Variants in SDK1 observed in about 807,000 individuals in gnomAD.
SDK1 encodes the protein protein sidekick-1.
A neutral mutation model predicts 245.5 loss-of-function variants in SDK1; 157 were observed. That is an observed-to-expected ratio of 0.64 (90% CI 0.56 to 0.73). SDK1 has a LOEUF of 0.73. SDK1 is among the 30% of genes least tolerant of loss of function. SDK1 has a pLI of 0.00. For synonymous variants in SDK1, 1,647 were observed against 1,278.5 expected (o/e 1.29, Z -6.15); for missense variants, 3,583 against 3,002.3 (o/e 1.19, Z -4.52).
chr7:3,539,842 A>C (rs546262905), intron 1 of SDK1, among the ~76,000 whole-genome samples: 1 of 152,314 alleles, frequency 6.6e-6, no homozygotes, highest in East Asian at 1.9e-4. Context: ...TAGGATGATA[A>C]ATGACAGCCG....
At chr7:4,242,355 G>C (rs913772889) in intron 43 of SDK1, among the ~76,000 whole-genome samples, 1 of 152,116 alleles carries the variant, frequency 6.6e-6, no homozygotes, top group South Asian at 2.1e-4. Context: ...TTCCTGTGCC[G>C]ATACACATTG....
At chr7:3,695,540 A>G (rs1285963547) in intron 4 of SDK1, among the ~76,000 whole-genome samples, 5 of 152,234 alleles carry the variant, frequency 3.3e-5, no homozygotes, top group African/African-American at 1.2e-4. Flanking sequence ...TCATTTATCA[A>G]AAACTTCGTT....
At chr7:3,949,776 C>T (rs1036264524) in intron 5 of SDK1, among the ~76,000 whole-genome samples, 12 of 151,942 alleles carry the variant, frequency 7.9e-5, no homozygotes, top group Non-Finnish European at 1.6e-4. Context: ...ACCAGAAGTA[C>T]GAGATAAATT....
chr7:3,721,910 A>G (rs1778821882), intron 4 of SDK1, among the ~76,000 whole-genome samples: 1 of 152,156 alleles, frequency 6.6e-6, no homozygotes, highest in East Asian at 1.9e-4. Context: ...TCTCTTCATT[A>G]TTAACAGTAA....
intron 1 of SDK1, among the ~76,000 whole-genome samples, chr7:3,412,058 T>C (rs1779225015): frequency 6.6e-6 from 1 of 152,028 alleles, no homozygotes; most frequent in Non-Finnish European, 1.5e-5. Context: ...CCAGCAAAGA[T>C]GGAGAGAAAG....
intron 5 of SDK1, among the ~76,000 whole-genome samples, chr7:3,944,231 C>T (rs1583600822): frequency 6.6e-6 from 1 of 152,284 alleles, no homozygotes; most frequent in East Asian, 1.9e-4. Context: ...GACTTAGGGC[C>T]TCAATTTTCT....
chr7:3,731,221 C>T (rs1251361690), intron 4 of SDK1, among the ~76,000 whole-genome samples: 1 of 152,192 alleles, frequency 6.6e-6, no homozygotes, highest in East Asian at 1.9e-4. Context: ...CTTCCTTCCA[C>T]TTCTTTACAT....
intron 3 of SDK1, 75 bp from the exon 4 acceptor site, chr7:3,641,883 C>G: frequency 1.6e-6 from 2 of 1,215,164 alleles, no homozygotes; most frequent in Admixed American, 2.0e-5. Flanking sequence ...TAACACTTAC[C>G]TGTTTCCATC....
rs190057128 is a variant in SDK1 at position 3,515,897 on chromosome 7, T to A, written c.299-103183T>A. Among the ~76,000 whole-genome samples the A allele has an allele frequency of 4.5e-3, 685 of 152,286 alleles. 5 individuals carry two copies. Among genetic ancestry groups the A allele is most frequent in the Middle Eastern group, 0.01 (3 of 294 alleles). Reference sequence around the variant, plus strand: ...CACTAATGAAAAATATTCTTCACTATGTGGAAGAGATTTAGCTGAAATTTT... The same window carrying A: ...CACTAATGAAAAATATTCTTCACTAAGTGGAAGAGATTTAGCTGAAATTTT... On this transcript the variant is annotated intron_variant, in intron 1 of 44. Coordinates refer to ENST00000404826, the MANE Select transcript of SDK1 (RefSeq NM_152744.4).
Position 4,201,762 on chromosome 7 carries a change from G to A in SDK1, c.5099-4117G>A, listed in dbSNP as rs577844110. 2.2e-4 allele frequency among the ~76,000 whole-genome samples: 34 copies of A among 151,810 alleles called. No homozygotes were observed. In the South Asian group the frequency reaches 4.8e-3, roughly 21 times the overall value. On this transcript the variant is annotated intron_variant, in intron 35 of 44. Coordinates refer to ENST00000404826, the MANE Select transcript of SDK1 (RefSeq NM_152744.4). ...ACAACAGATGACTGGCATGGCACAGGGTGGCTTTGGCAACAACAGATTACT... is the reference window on the plus strand; with the variant it reads ...ACAACAGATGACTGGCATGGCACAGAGTGGCTTTGGCAACAACAGATTACT...
intron 5 of SDK1, among the ~76,000 whole-genome samples, chr7:3,844,567 T>C (rs749407025): frequency 1.5e-4 from 23 of 152,214 alleles, no homozygotes; most frequent in Non-Finnish European, 2.5e-4. Context: ...ATTTAATGTC[T>C]TTTCCAACAG....
intron 1 of SDK1, among the ~76,000 whole-genome samples, chr7:3,603,834 C>G (rs941808098): frequency 6.6e-6 from 1 of 152,094 alleles, no homozygotes; most frequent in Non-Finnish European, 1.5e-5. Flanking sequence ...ATAGATAGCT[C>G]TTATTATTTT....
At chr7:3,710,967 T>A (rs1785032736) in intron 4 of SDK1, among the ~76,000 whole-genome samples, 1 of 152,264 alleles carries the variant, frequency 6.6e-6, no homozygotes, top group African/African-American at 2.4e-5. Flanking sequence ...AAAGCTTTTC[T>A]TTACATGTAT....
chr7:3,874,133 T>C (rs943801117), intron 5 of SDK1, among the ~76,000 whole-genome samples: 1 of 152,184 alleles, frequency 6.6e-6, no homozygotes, highest in African/African-American at 2.4e-5. Flanking sequence ...ATGAAGGTTT[T>C]TGTTCGTTTG....
chr7:3,581,042 T>C (rs1024749099), intron 1 of SDK1, among the ~76,000 whole-genome samples: 2 of 127,644 alleles, frequency 1.6e-5, no homozygotes. Context: ...ATTCTGGACA[T>C]AAGAACTGGC....
chr7:3,854,436 C>G (rs1408152167), intron 5 of SDK1, among the ~76,000 whole-genome samples: 1 of 152,152 alleles, frequency 6.6e-6, no homozygotes, highest in African/African-American at 2.4e-5. Context: ...ATGATTGCCC[C>G]CTGTCTCATT....
chr7:3,758,681 C>T (rs1294439497), intron 4 of SDK1, among the ~76,000 whole-genome samples: 2 of 152,122 alleles, frequency 1.3e-5, no homozygotes, highest in Non-Finnish European at 2.9e-5. Context: ...CTGTGTGTCA[C>T]CTGCACCCGC....
rs113412779 is a variant in SDK1, at chr7:3,683,595, G to T, written c.713+41490G>T. Among the ~76,000 whole-genome samples, 655 of 152,270 alleles carry T rather than the reference G, an allele frequency of 4.3e-3. 7 individuals are homozygous for T. Among genetic ancestry groups the T allele is most frequent in the African/African-American group, 0.015 (610 of 41,546 alleles). ...CGTTCCATCCAGGTGGAGCAGCCCC[G>T]TTCCTCCCAGGTCCTCCACCTCACA... On this transcript the variant is annotated intron_variant, in intron 4 of 44. Coordinates refer to ENST00000404826, the MANE Select transcript of SDK1 (RefSeq NM_152744.4).
intron 1 of SDK1, among the ~76,000 whole-genome samples, chr7:3,544,856 C>A (rs1288639998): frequency 1.3e-5 from 2 of 152,144 alleles, no homozygotes; most frequent in East Asian, 3.9e-4. Context: ...TCACAGTTAC[C>A]CAGGGACTCA....
Sources: gnomAD v4.1 joint callset for allele counts (sites outside exome capture counted in the v4.1 genomes callset) on GRCh38, gnomAD v4.1.1 for gene constraint, MANE v1.5 for transcripts, NCBI Gene and HGNC (gene_info 2026-07-23, HGNC 2026-07-21) for gene names.